Variants in CCDC85A observed in about 807,000 individuals in gnomAD.
CCDC85A encodes the protein coiled-coil domain containing 85A.
Under a neutral mutation model 50.2 loss-of-function variants are expected in CCDC85A, and 38 were observed. The observed-to-expected ratio is 0.76, with a 90% CI of 0.58 to 0.99. The LOEUF is 0.99. Ranked by LOEUF, CCDC85A falls within the 50% of genes least tolerant of loss-of-function variation. CCDC85A has a pLI of 0.00. For synonymous variants in CCDC85A, 366 were observed against 301.4 expected (o/e 1.21, Z -2.22); for missense variants, 820 against 742.0 (o/e 1.11, Z -1.22).
intron 2 of CCDC85A, among the ~76,000 whole-genome samples, chr2:56,195,721 A>T (rs888657421): frequency 3.3e-5 from 5 of 152,220 alleles, no homozygotes; most frequent in Non-Finnish European, 7.3e-5. Context: ...AGGAAGCAGT[A>T]TCAAGGTTAA....
intron 2 of CCDC85A, among the ~76,000 whole-genome samples, chr2:56,280,740 A>G (rs1671170238): frequency 6.6e-6 from 1 of 152,178 alleles, no homozygotes. Context: ...TGATGTTAGC[A>G]CATACATCTA....
At chr2:56,286,532 A>T (rs995433281) in intron 2 of CCDC85A, among the ~76,000 whole-genome samples, 1 of 152,056 alleles carries the variant, frequency 6.6e-6, no homozygotes, top group Non-Finnish European at 1.5e-5. Flanking sequence ...TAAATTTTTC[A>T]TATTACTTTT....
chr2:56,321,314 T>C (rs1356854644), intron 2 of CCDC85A, among the ~76,000 whole-genome samples: 1 of 152,148 alleles, frequency 6.6e-6, no homozygotes, highest in Non-Finnish European at 1.5e-5. Flanking sequence ...GAGAAGGTAA[T>C]AAAGGGTATT....
chr2:56,283,482 A>G (rs980313328), intron 2 of CCDC85A, among the ~76,000 whole-genome samples: 1 of 152,112 alleles, frequency 6.6e-6, no homozygotes, highest in African/African-American at 2.4e-5. Flanking sequence ...TTCTTTTCTA[A>G]CATTTGCTGG....
chr2:56,205,548 A>G (rs1157059217), intron 2 of CCDC85A, among the ~76,000 whole-genome samples: 2 of 152,206 alleles, frequency 1.3e-5, no homozygotes, highest in African/African-American at 4.8e-5. Context: ...ATTAAAGGCT[A>G]GTCAGAGTGT....
chr2:56,205,637 G>GAGT (rs1417168707), intron 2 of CCDC85A, among the ~76,000 whole-genome samples: 1 of 152,188 alleles, frequency 6.6e-6, no homozygotes, highest in Non-Finnish European at 1.5e-5. Context: ...TCATGGATGT[G>GAGT]AGTAGTAGTA....
At position 56,260,050 on chromosome 2, in the gene CCDC85A, C is replaced by T. The variant is rs976416744; in HGVS notation, c.1240+66610C>T. Among the ~76,000 whole-genome samples the T allele has an allele frequency of 1.6e-4, 24 of 152,258 alleles. 2 individuals carry two copies. Among genetic ancestry groups the T allele is most frequent in the Admixed American group, 1.3e-3 (20 of 15,288 alleles). On this transcript the variant is annotated intron_variant, in intron 2 of 5. Transcript: ENST00000407595. Reference sequence around the variant, plus strand: ...AAGGTACTCATGGTAGTGAGTTTAGCACCCAAACTAGCATTTAAGACAATA... The same window carrying T: ...AAGGTACTCATGGTAGTGAGTTTAGTACCCAAACTAGCATTTAAGACAATA...
At chr2:56,320,943 C>A (rs1383642104) in intron 2 of CCDC85A, among the ~76,000 whole-genome samples, 1 of 152,008 alleles carries the variant, frequency 6.6e-6, no homozygotes, top group Non-Finnish European at 1.5e-5. Flanking sequence ...TTATCCACCA[C>A]GATCAAGTGG....
intron 2 of CCDC85A, among the ~76,000 whole-genome samples, chr2:56,316,097 C>T (rs1471645951): frequency 6.6e-6 from 1 of 151,794 alleles, no homozygotes; most frequent in African/African-American, 2.4e-5. Context: ...CAAGGTTATC[C>T]CTGAGACATA....
chr2:56,379,897 TA>T, intron 5 of CCDC85A: 2 of 565,342 alleles, frequency 3.5e-6, no homozygotes, highest in Non-Finnish European at 4.5e-6. Context: ...AGCCACATCG[TA>T]GCTTAGCTAT....
At chr2:56,338,609 CTATTT>C (rs1465053419) in intron 2 of CCDC85A, among the ~76,000 whole-genome samples, 1 of 151,974 alleles carries the variant, frequency 6.6e-6, no homozygotes, top group Non-Finnish European at 1.5e-5. Flanking sequence ...TTATTTTATT[CTATTT>C]TATTTAAAAT....
chr2:56,364,582 A>G (rs993106883), intron 3 of CCDC85A, among the ~76,000 whole-genome samples: 1 of 152,206 alleles, frequency 6.6e-6, no homozygotes, highest in African/African-American at 2.4e-5. Flanking sequence ...AGGGCTTTGC[A>G]TTATTAATCA....
At chr2:56,250,928 C>T (rs1285034928) in intron 2 of CCDC85A, among the ~76,000 whole-genome samples, 1 of 152,136 alleles carries the variant, frequency 6.6e-6, no homozygotes, top group Admixed American at 6.5e-5. Flanking sequence ...TCTGACCTCT[C>T]TTCTTTGCTA....
chr2:56,309,546 C>G (rs1472737066), intron 2 of CCDC85A, among the ~76,000 whole-genome samples: 1 of 152,096 alleles, frequency 6.6e-6, no homozygotes, highest in African/African-American at 2.4e-5. Context: ...GTTTGGTGAA[C>G]AGTAAAAGTG....
At position 56,384,550 on chromosome 2, in the gene CCDC85A, A is replaced by G. The variant is rs983909902; in HGVS notation, c.*195A>G. 5 of 534,730 alleles carry G rather than the reference A, an allele frequency of 9.4e-6. No homozygotes were observed. The African/African-American group carries it at 9.5e-5, about 10-fold the overall frequency. 33.1% of individuals were successfully genotyped at this position (534,730 alleles called of 1,614,324 possible). A position where few individuals can be genotyped will look rare whatever the true frequency, so the allele number is the denominator to read the frequency against. ...GCTGATATTCTGTGTCTCTCACCTC[A>G]ATGTCCACAACAGTCAATCTCAAAC... On this transcript the variant is annotated 3_prime_UTR_variant, in exon 6 of 6. Transcript: ENST00000407595.
intron 4 of CCDC85A, 29 bp from the exon 5 acceptor site, chr2:56,375,787 A>G: frequency 6.2e-7 from 1 of 1,609,496 alleles, no homozygotes; most frequent in African/African-American, 1.3e-5. Context: ...CTTTTGTTTT[A>G]ATAACAAAGT....
At chr2:56,347,753 G>C (rs1674700585) in intron 3 of CCDC85A, among the ~76,000 whole-genome samples, 1 of 152,164 alleles carries the variant, frequency 6.6e-6, no homozygotes, top group African/African-American at 2.4e-5. Context: ...TTACAGTCAT[G>C]GTTTTAAAAC....
At chr2:56,229,031 C>T (rs1196858911) in intron 2 of CCDC85A, among the ~76,000 whole-genome samples, 1 of 152,114 alleles carries the variant, frequency 6.6e-6, no homozygotes, top group Non-Finnish European at 1.5e-5. Flanking sequence ...TTCTGAAGAT[C>T]CTTTGAACTT....
At chr2:56,333,460 G>C (rs937741093) in intron 2 of CCDC85A, among the ~76,000 whole-genome samples, 4 of 152,320 alleles carry the variant, frequency 2.6e-5, no homozygotes, top group African/African-American at 9.6e-5. Flanking sequence ...AAAACAGTCA[G>C]ATCACACAGG....
Sources: allele counts gnomAD v4.1 joint callset (sites outside exome capture counted in the v4.1 genomes callset), GRCh38; gene constraint gnomAD v4.1.1; transcripts MANE v1.5; gene names NCBI Gene and HGNC (gene_info 2026-07-23, HGNC 2026-07-21).